UVSSA: variants seen among roughly 807,000 people sequenced by gnomAD.
UVSSA encodes UV-stimulated scaffold protein A.
UVSSA carries 72 observed loss-of-function variants against 73.9 expected under a neutral mutation model. The observed-to-expected ratio is 0.97, with a 90% confidence interval of 0.81 to 1.19. The LOEUF (loss-of-function observed/expected upper bound fraction) is 1.19, where lower values mean the gene tolerates loss of function less well. Among genes scored for constraint, UVSSA ranks in the 50% most tolerant of loss-of-function variants. The probability of loss-of-function intolerance (pLI) is 0.00; values close to 1 mark genes in which losing one functional copy is unlikely to be tolerated. For missense variants in UVSSA, 1,150 were observed against 965.0 expected, an observed-to-expected ratio of 1.19 and a Z score of -2.54; for synonymous variants, 454 against 391.3, an observed-to-expected ratio of 1.16 and a Z score of -1.89.
At chr4:1,384,107 G>A in intron 13 of UVSSA, 167 bp downstream of exon 13, 3 of 839,188 alleles carry the variant, frequency 3.6e-6, no homozygotes, top group Non-Finnish European at 1.8e-6. Flanking sequence ...GGGAGGGGCA[G>A]TGCCAGCCAG....
intron 8 of UVSSA, among the ~76,000 whole-genome samples, chr4:1,367,186 T>C (rs1180980385): frequency 1.3e-5 from 2 of 152,188 alleles, no homozygotes; most frequent in African/African-American, 2.4e-5. Context: ...GCCTGTGCCG[T>C]GGAGGGCTTA....
upstream of UVSSA, among the ~76,000 whole-genome samples, chr4:1,346,649 C>T (rs923914304): frequency 6.6e-6 from 1 of 152,052 alleles, no homozygotes; most frequent in African/African-American, 2.4e-5. Flanking sequence ...GGGTTCAGGG[C>T]GCCCTGCGCG....
chr4:1,380,401 T>C (rs549511136), intron 11 of UVSSA, among the ~76,000 whole-genome samples, 171 bp downstream of exon 11: 73 of 152,310 alleles, frequency 4.8e-4, no homozygotes, highest in African/African-American at 1.7e-3. Flanking sequence ...CCGTTGGCCA[T>C]CAGAGCATGG....
chr4:1,367,727 G>GGGGC (rs1310319937), intron 8 of UVSSA, among the ~76,000 whole-genome samples: 5 of 152,102 alleles, frequency 3.3e-5, no homozygotes, highest in African/African-American at 1.2e-4. Flanking sequence ...TGCTTCTCCA[G>GGGGC]GGGCAGGCAG....
exon 14 of UVSSA, chr4:1,394,489 G>A (rs1212446972): frequency 1.1e-5 from 18 of 1,613,804 alleles, no homozygotes; most frequent in Middle Eastern, 1.6e-4. Flanking sequence ...TCAAATAGCT[G>A]TCCAGGTGTC....
Position 1,366,549 on chromosome 4 carries a change from G to T in UVSSA, c.1288+118G>T, listed in dbSNP as rs74473184. The stretch of plus-strand genomic sequence containing the variant: ...TGGAGCCCATCTTGTGGTAACTGCT[G>T]CTTTGGTTTAAAATGCTGCTTTTCC... On this transcript the variant is annotated intron_variant, in intron 8 of 13. Transcript: ENST00000389851. 3,960 of 703,208 alleles carry T rather than the reference G, an allele frequency of 5.6e-3. 111 individuals are homozygous for T. The highest frequency in any genetic ancestry group is 0.052 in the African/African-American group (2,875 of 55,808). The allele number at this position is 703,208 out of a possible 1,614,324, so 43.6% of individuals were successfully genotyped here. A position where few individuals can be genotyped will look rare whatever the true frequency, so the allele number is the denominator to read the frequency against.
Position 1,353,053 on chromosome 4 carries a change from T to G in UVSSA, c.574T>G (p.Cys192Gly). The change falls in exon 5 of 14, where the codon TGC (cysteine) becomes GGC (glycine). Residue 192 changes from cysteine to glycine, a missense_variant. Physicochemically the swap from Cys to Gly is radical, Grantham distance 159. Coordinates refer to ENST00000389851, the MANE Select transcript of UVSSA (RefSeq NM_020894.4). ...AGAAATGTCTGGAGAAATTGAATCCTGCTTGACGGAGGTAGAGAGCTGCTT... is the reference window on the plus strand; with the variant it reads ...AGAAATGTCTGGAGAAATTGAATCCGGCTTGACGGAGGTAGAGAGCTGCTT... ...MQEMSGEIES[C>G]LTEVESCFRL... is the part of the protein sequence containing the mutation. 6.2e-7 allele frequency: 1 copy of G among 1,611,888 alleles called. No homozygotes were observed. The highest frequency in any genetic ancestry group is 1.3e-5 in the African/African-American group (1 of 75,042).
chr4:1,375,389 C>G lies in UVSSA; in HGVS notation c.1314C>G (p.Asp438Glu). Residue 438 changes from aspartate (D) to glutamate (E), a missense_variant, in exon 9 of 14, where the codon GAC becomes GAG. Asp to Glu is a conservative substitution (Grantham distance 45). Coordinates refer to ENST00000389851, the MANE Select transcript of UVSSA (RefSeq NM_020894.4). ...EYGLEAAPEK[D>E]TVVRCLRTRT... ...GGCTGGAGGCAGCACCAGAGAAAGA[C>G]ACAGTTGTGCGGTGCTTGCGGACGA... is the stretch of plus-strand genomic sequence containing the variant. 6.2e-7 allele frequency: 1 copy of G among 1,613,640 alleles called. No individual in the cohort carries two copies. Among genetic ancestry groups the G allele is most frequent in the Non-Finnish European group, 8.5e-7 (1 of 1,180,004 alleles).
chr4:1,393,455 A>C (rs1228909121), exon 14 of UVSSA: 3 of 152,162 alleles, frequency 2.0e-5, no homozygotes, highest in Non-Finnish European at 2.9e-5. Context: ...CTTGGGAGGC[A>C]GAGGCAGGAG....
chr4:1,381,945 G>C (rs1035032138), intron 12 of UVSSA, among the ~76,000 whole-genome samples: 2 of 152,178 alleles, frequency 1.3e-5, no homozygotes, highest in African/African-American at 4.8e-5. Flanking sequence ...TTACAGATGT[G>C]AGTCCCCGCC....
chr4:1,371,207 A>G (rs964410717), intron 8 of UVSSA, among the ~76,000 whole-genome samples: 14 of 151,678 alleles, frequency 9.2e-5, no homozygotes, highest in Non-Finnish European at 1.3e-4. Flanking sequence ...GAAGGCCTGC[A>G]CGCTCTGCAG....
In UVSSA at chr4:1,380,237, C is replaced by T; in HGVS notation, c.1752+7C>T. On this transcript the variant is annotated splice_region_variant and intron_variant, in intron 11 of 13. Coordinates refer to ENST00000389851, the MANE Select transcript of UVSSA (RefSeq NM_020894.4). ...GCGCCAAGACCGGCTGAAGGTGAGG[C>T]CGTGGCCCGAGGGCGGGGGTGGGTG... The T allele has an allele frequency of 6.2e-7, 1 of 1,607,174 alleles. No homozygotes were observed. The highest frequency in any genetic ancestry group is 1.3e-5 in the African/African-American group (1 of 74,938).
At chr4:1,379,327 C>T (rs1321370716) in intron 10 of UVSSA, among the ~76,000 whole-genome samples, 2 of 152,234 alleles carry the variant, frequency 1.3e-5, no homozygotes, top group Admixed American at 1.3e-4. Flanking sequence ...AGACACTTCT[C>T]CCCTGCCTGG....
chr4:1,353,280 C>T lies in UVSSA; in HGVS notation c.801C>T (p.Gly267=), dbSNP rs182834064. Residue 267 remains glycine (G), a synonymous_variant, in exon 5 of 14, where the codon GGC becomes GGT. Transcript: ENST00000389851. The part of the protein sequence containing the change: ...LPASAGHPRA[G]GGAQPSQTAT... Reference sequence around the variant, plus strand: ...CCTCTGCAGGCCACCCCAGAGCGGGCGGCGGGGCACAGCCATCCCAGACAG... The same window carrying T: ...CCTCTGCAGGCCACCCCAGAGCGGGTGGCGGGGCACAGCCATCCCAGACAG... The T allele has an allele frequency of 8.5e-5, 137 of 1,610,982 alleles. No homozygotes were observed. The highest frequency in any genetic ancestry group is 1.7e-4 in the Middle Eastern group (1 of 6,058).
rs528456675 is a variant in UVSSA, at chr4:1,355,174, G to T, written c.1105G>T (p.Ala369Ser). 5 of 1,613,890 alleles carry T rather than the reference G, an allele frequency of 3.1e-6. No individual in the cohort carries two copies. In the African/African-American group the frequency reaches 6.7e-5, roughly 22 times the overall value. ...TTTAAAGCGTGCCATTGACCTGAAG[G>T]CTGAATTGGAGCTCGTACTGAGAAA... ...GCLKRAIDLK[A>S]ELELVLRKYK... The change falls in exon 7 of 14, where the codon GCT (alanine) becomes TCT (serine). Residue 369 changes from alanine (A) to serine (S), a missense_variant. By Grantham distance (99) the Ala-to-Ser change is moderately conservative (BLOSUM62 1). Coordinates refer to ENST00000389851, the MANE Select transcript of UVSSA (RefSeq NM_020894.4).
chr4:1,382,837 G>T (rs1298209089), intron 12 of UVSSA, among the ~76,000 whole-genome samples: 1 of 152,240 alleles, frequency 6.6e-6, no homozygotes, highest in Non-Finnish European at 1.5e-5. Flanking sequence ...GGTCCCACTG[G>T]CTCAGCTCGT....
chr4:1,385,813 GC>G, intron 13 of UVSSA, 54 bp from the exon 14 acceptor site: 1 of 1,594,170 alleles, frequency 6.3e-7, no homozygotes, highest in Non-Finnish European at 8.6e-7. Flanking sequence ...GCCACTGGGA[GC>G]CCAGGCCCCT....
At chr4:1,385,628 C>T in intron 13 of UVSSA, 1 of 560,014 alleles carries the variant, frequency 1.8e-6, no homozygotes, top group Non-Finnish European at 3.2e-6. Flanking sequence ...CGCAGAACCA[C>T]CCGCCGCAGA....
downstream of UVSSA, chr4:1,391,911 A>C (rs1720422927): frequency 6.6e-6 from 1 of 152,232 alleles, no homozygotes; most frequent in South Asian, 2.1e-4. Context: ...AGGGATGTTT[A>C]ATCCATTTAC....
Sources: gnomAD v4.1 joint callset for allele counts (sites outside exome capture counted in the v4.1 genomes callset) on GRCh38, gnomAD v4.1.1 for gene constraint, MANE v1.5 for transcripts, NCBI Gene and HGNC (gene_info 2026-07-23, HGNC 2026-07-21) for gene names.